Variants in SSBP2 observed in about 807,000 individuals in gnomAD.
SSBP2 encodes single-stranded DNA-binding protein 2.
Under a neutral mutation model 61.8 loss-of-function variants are expected in SSBP2, and 17 were observed. That is an observed-to-expected ratio of 0.28 (90% CI 0.19 to 0.41). The LOEUF is 0.41. Among genes scored for constraint, SSBP2 ranks in the 10% least tolerant of loss-of-function variants. SSBP2 has a pLI of 1.00. For synonymous variants in SSBP2, 139 were observed against 141.3 expected (o/e 0.98, Z 0.12); for missense variants, 310 against 458.7 (o/e 0.68, Z 2.96).
chr5:81,603,895 G>T (rs894535146), intron 4 of SSBP2, among the ~76,000 whole-genome samples: 2 of 152,056 alleles, frequency 1.3e-5, no homozygotes, highest in African/African-American at 2.4e-5. Context: ...CTTCTGAATA[G>T]TTTAGTGTTT....
intron 10 of SSBP2, among the ~76,000 whole-genome samples, chr5:81,449,698 C>T (rs569497105): frequency 1.3e-5 from 2 of 152,140 alleles, no homozygotes; most frequent in African/African-American, 4.8e-5. Context: ...TAAGGAAGTA[C>T]AACCAAGTTA....
intron 10 of SSBP2, among the ~76,000 whole-genome samples, chr5:81,452,427 CTAAATT>C (rs1386257889): frequency 3.3e-5 from 5 of 152,024 alleles, no homozygotes; most frequent in African/African-American, 1.2e-4. Flanking sequence ...ACACCTAGCC[CTAAATT>C]TATGTTTTAG....
intron 4 of SSBP2, among the ~76,000 whole-genome samples, chr5:81,564,270 C>T (rs1773266808): frequency 6.6e-6 from 1 of 151,984 alleles, no homozygotes. Context: ...GAAACTGGAA[C>T]CCTTGCACAA....
chr5:81,583,529 C>T (rs1476674428), intron 4 of SSBP2, among the ~76,000 whole-genome samples: 1 of 150,986 alleles, frequency 6.6e-6, no homozygotes, highest in Non-Finnish European at 1.5e-5. Context: ...ACTGGAGAGG[C>T]TGAGGCAGGA....
rs564589580 is a variant in SSBP2, at chr5:81,596,507, G to C, written c.282+18966C>G. Among the ~76,000 whole-genome samples, 225 of 60,808 alleles carry C rather than the reference G, an allele frequency of 3.7e-3. 2 individuals are homozygous for C. Among genetic ancestry groups the C allele is most frequent in the African/African-American group, 0.014 (196 of 13,722 alleles). 39.9% of individuals were successfully genotyped at this position (60,808 alleles called of 152,430 possible). A position where few individuals can be genotyped will look rare whatever the true frequency, so the allele number is the denominator to read the frequency against. On this transcript the variant is annotated intron_variant, in intron 4 of 16. Transcript: ENST00000320672. Reference sequence around the variant, plus strand: ...AAACTACTTTCAAGTTCATATGGAAGCAAAAAAGAGCCTGCATTGCCAAGA... The same window carrying C: ...AAACTACTTTCAAGTTCATATGGAACCAAAAAAGAGCCTGCATTGCCAAGA...
chr5:81,470,075 A>G (rs1355666583), intron 8 of SSBP2, among the ~76,000 whole-genome samples: 2 of 151,938 alleles, frequency 1.3e-5, no homozygotes, highest in Non-Finnish European at 2.9e-5. Flanking sequence ...TCCTTACATG[A>G]GAGCCTATCA....
chr5:81,521,603 A>G (rs1445722612), intron 4 of SSBP2, among the ~76,000 whole-genome samples: 1 of 151,980 alleles, frequency 6.6e-6, no homozygotes, highest in Non-Finnish European at 1.5e-5. Flanking sequence ...TTGGGATATC[A>G]TCTGTTTTTA....
intron 3 of SSBP2, among the ~76,000 whole-genome samples, chr5:81,618,007 T>A: frequency 2.3e-5 from 3 of 128,722 alleles, no homozygotes; most frequent in Non-Finnish European, 3.4e-5. Context: ...CATGCCAAAA[T>A]GTAAAGACCA....
chr5:81,659,646 C>T (rs1245748030), intron 1 of SSBP2, among the ~76,000 whole-genome samples: 1 of 151,954 alleles, frequency 6.6e-6, no homozygotes, highest in Admixed American at 6.6e-5. Context: ...ACTTTCTTCA[C>T]AGAACTAAAA....
chr5:81,573,521 T>C (rs1773980560), intron 4 of SSBP2, among the ~76,000 whole-genome samples: 1 of 152,204 alleles, frequency 6.6e-6, no homozygotes, highest in African/African-American at 2.4e-5. Flanking sequence ...GGACTTAGTA[T>C]GAAAAGAGGC....
At chr5:81,740,013 A>T (rs576613477) in intron 1 of SSBP2, among the ~76,000 whole-genome samples, 1 of 152,288 alleles carries the variant, frequency 6.6e-6, no homozygotes, top group Non-Finnish European at 1.5e-5. Context: ...ACAGAAAAGC[A>T]TCAACAACCT....
rs76732929 is a variant in SSBP2 at position 81,475,082 on chromosome 5, G to A, written c.433-520C>T. ...AATAAATTAAGCAATTTGCGTGTAC[G>A]GAAAAGGGAAAGTAGAACTGACAAA... is the stretch of plus-strand genomic sequence containing the variant. On this transcript the variant is annotated intron_variant, in intron 6 of 16. Coordinates refer to ENST00000320672, the MANE Select transcript of SSBP2 (RefSeq NM_012446.5). Among the ~76,000 whole-genome samples the A allele has an allele frequency of 8.9e-3, 1,353 of 152,206 alleles. 20 individuals carry two copies. The highest frequency in any genetic ancestry group is 0.031 in the African/African-American group (1,271 of 41,548).
chr5:81,594,308 G>T (rs1371478097), intron 4 of SSBP2, among the ~76,000 whole-genome samples: 4 of 151,842 alleles, frequency 2.6e-5, no homozygotes, highest in Admixed American at 6.6e-5. Context: ...TAAATATATA[G>T]GCACCCAATA....
intron 10 of SSBP2, among the ~76,000 whole-genome samples, chr5:81,458,064 TCTTG>T (rs1764285844): frequency 6.6e-6 from 1 of 152,196 alleles, no homozygotes; most frequent in Non-Finnish European, 1.5e-5. Flanking sequence ...TTCTAAATAA[TCTTG>T]CTTGGAGTTT....
chr5:81,749,666 TA>T (rs146068401), intron 1 of SSBP2, among the ~76,000 whole-genome samples: 52,078 of 148,002 alleles, frequency 0.35, 10,872 homozygotes, highest in Admixed American at 0.48. Flanking sequence ...TTGCACAGTT[TA>T]AAAAAAAAAG....
At position 81,487,491 on chromosome 5, in the gene SSBP2, A is replaced by G. The variant is rs1766469664; in HGVS notation, c.432+1759T>C. 1.3e-5 allele frequency among the ~76,000 whole-genome samples: 2 copies of G among 152,148 alleles called. 1 individual carries two copies. Among genetic ancestry groups the G allele is most frequent in the South Asian group, 4.1e-4 (2 of 4,826 alleles). On this transcript the variant is annotated intron_variant, in intron 6 of 16. Coordinates refer to ENST00000320672, the MANE Select transcript of SSBP2 (RefSeq NM_012446.5). ...CTAATTATTTGCCTAACCTGCCATT[A>G]TAATTGGATAAAATTTGTATGAATG...
intron 1 of SSBP2, among the ~76,000 whole-genome samples, chr5:81,695,728 T>G (rs1286554131): frequency 3.3e-5 from 5 of 152,148 alleles, no homozygotes; most frequent in Non-Finnish European, 1.5e-5. Flanking sequence ...AAATCTTGTT[T>G]CCTTTTTAGA....
chr5:81,737,802 A>AC (rs1385064018), intron 1 of SSBP2, among the ~76,000 whole-genome samples: 5 of 151,176 alleles, frequency 3.3e-5, no homozygotes, highest in African/African-American at 1.2e-4. Context: ...AAAAAAAAAA[A>AC]ACAAAAAACT....
chr5:81,725,337 T>G (rs935596148), intron 1 of SSBP2, among the ~76,000 whole-genome samples: 1 of 152,120 alleles, frequency 6.6e-6, no homozygotes, highest in Non-Finnish European at 1.5e-5. Flanking sequence ...AATGAAAGAT[T>G]GGCAAAAATA....
Sources: allele counts gnomAD v4.1 joint callset (sites outside exome capture counted in the v4.1 genomes callset), GRCh38; gene constraint gnomAD v4.1.1; transcripts MANE v1.5; gene names NCBI Gene and HGNC (gene_info 2026-07-23, HGNC 2026-07-21).